Variants in SPMAP1 observed in about 807,000 individuals in gnomAD.
SPMAP1 encodes sperm microtubule associated protein 1, also known as uncharacterized protein C17orf98.
chr17:38,837,294 G>A, the SPMAP1 span: 2 of 1,249,460 alleles, frequency 1.6e-6, no homozygotes, highest in Non-Finnish European at 2.3e-6. Flanking sequence ...CAATGCTGAG[G>A]GGGACACAGT....
At chr17:38,837,635 G>A in the SPMAP1 span, among the ~76,000 whole-genome samples, 1 of 150,230 alleles carries the variant, frequency 6.7e-6, no homozygotes, top group Non-Finnish European at 1.5e-5. Context: ...CCGAGATCCT[G>A]CCATTGCACT....
the SPMAP1 span, among the ~76,000 whole-genome samples, chr17:38,839,339 G>A: frequency 6.6e-6 from 1 of 151,114 alleles, no homozygotes; most frequent in Non-Finnish European, 1.5e-5. Flanking sequence ...GTGAAACCCT[G>A]TCTCTGTAGT....
chr17:38,837,077 C>T, the SPMAP1 span: 5 of 1,154,134 alleles, frequency 4.3e-6, no homozygotes, highest in African/African-American at 1.5e-5. Flanking sequence ...TGCCTCTTCC[C>T]CTCAACCAGG....
At chr17:38,836,022 C>A in the SPMAP1 span, among the ~76,000 whole-genome samples, 1 of 152,084 alleles carries the variant, frequency 6.6e-6, no homozygotes, top group African/African-American at 2.4e-5. Context: ...TCAAGAGATT[C>A]TCCTGCCTCA....
At chr17:38,835,713 A>C in the SPMAP1 span, among the ~76,000 whole-genome samples, 1 of 152,212 alleles carries the variant, frequency 6.6e-6, no homozygotes, top group Admixed American at 6.6e-5. Flanking sequence ...GATGAGATCA[A>C]GATCAATTGA....
At chr17:38,835,215 C>T in the SPMAP1 span, 2 of 1,614,208 alleles carry the variant, frequency 1.2e-6, no homozygotes, top group South Asian at 1.1e-5. Context: ...TGGGTGACCT[C>T]TCCGAAGACG....
At chr17:38,836,622 G>C in the SPMAP1 span, among the ~76,000 whole-genome samples, 1 of 122,814 alleles carries the variant, frequency 8.1e-6, no homozygotes. Flanking sequence ...ATGGAGTCTC[G>C]CTGCATCGCC....
the SPMAP1 span, chr17:38,837,317 G>A: frequency 1.3e-5 from 12 of 952,670 alleles, no homozygotes; most frequent in East Asian, 4.8e-5. Flanking sequence ...AAACTGCCCT[G>A]GGGTTTGCTG....
the SPMAP1 span, among the ~76,000 whole-genome samples, chr17:38,839,058 C>T: frequency 2.8e-5 from 4 of 141,586 alleles, no homozygotes; most frequent in East Asian, 2.1e-4. Flanking sequence ...TGCACTCCAG[C>T]CTGGATGACA....
chr17:38,839,653 G>A, the SPMAP1 span, among the ~76,000 whole-genome samples: 1 of 151,608 alleles, frequency 6.6e-6, no homozygotes, highest in East Asian at 1.9e-4. Context: ...AAAATTAGAC[G>A]GGCGGGCGTG....
the SPMAP1 span, chr17:38,837,220 C>T: frequency 6.2e-7 from 1 of 1,613,512 alleles, no homozygotes; most frequent in South Asian, 1.1e-5. Context: ...TCCAGCCATC[C>T]CTTCCTGTAC....
At chr17:38,838,600 A>AAAAAT in the SPMAP1 span, among the ~76,000 whole-genome samples, 19 of 151,998 alleles carry the variant, frequency 1.3e-4, no homozygotes, top group South Asian at 1.5e-3. Flanking sequence ...ACTCCACCTC[A>AAAAAT]AAAATAAAAT....
chr17:38,840,109 G>A, the SPMAP1 span, among the ~76,000 whole-genome samples: 1 of 152,162 alleles, frequency 6.6e-6, no homozygotes, highest in Admixed American at 6.6e-5. Flanking sequence ...CCTACACCTA[G>A]GAGGGAAAAG....
At chr17:38,838,892 C>T in the SPMAP1 span, among the ~76,000 whole-genome samples, 1 of 151,976 alleles carries the variant, frequency 6.6e-6, no homozygotes, top group African/African-American at 2.4e-5. Flanking sequence ...CGAGACCAGC[C>T]TGGCCAACAT....
the SPMAP1 span, among the ~76,000 whole-genome samples, chr17:38,840,617 C>CAAAAAAAA: frequency 1.3e-3 from 63 of 48,724 alleles, 9 homozygotes; most frequent in African/African-American, 3.5e-3. Flanking sequence ...CCCCTCTCTA[C>CAAAAAAAA]AAAAAAAAAA....
At chr17:38,841,184 T>C in the SPMAP1 span, 1 of 1,613,284 alleles carries the variant, frequency 6.2e-7, no homozygotes. Flanking sequence ...CTCCTATACC[T>C]GATCAGTTTT....
chr17:38,835,545 G>C, the SPMAP1 span, among the ~76,000 whole-genome samples: 3 of 152,212 alleles, frequency 2.0e-5, 1 homozygote, highest in Non-Finnish European at 4.4e-5. Context: ...AGGCTTCCTA[G>C]AAATAAAACC....
At chr17:38,837,027 C>T in the SPMAP1 span, 1 of 756,886 alleles carries the variant, frequency 1.3e-6, no homozygotes, top group Non-Finnish European at 2.4e-6. Flanking sequence ...GCACCATCTG[C>T]TCATGTATGT....
the SPMAP1 span, chr17:38,841,380 G>C: frequency 2.5e-6 from 4 of 1,613,980 alleles, no homozygotes; most frequent in Non-Finnish European, 2.5e-6. Flanking sequence ...CACTCGCTCA[G>C]GTACGCCATC....
Sources: allele counts gnomAD v4.1 joint callset (sites outside exome capture counted in the v4.1 genomes callset), GRCh38; gene constraint gnomAD v4.1.1; transcripts MANE v1.5; gene names NCBI Gene and HGNC (gene_info 2026-07-23, HGNC 2026-07-21).